ZNF100: variants seen among roughly 807,000 people sequenced by gnomAD.
ZNF100 encodes the protein zinc finger protein 100 (Y1).
ZNF100 carries 12 observed loss-of-function variants against 15.8 expected under a neutral mutation model. The observed-to-expected ratio is 0.76, with a 90% CI of 0.49 to 1.23. The LOEUF is 1.23. ZNF100 is among the 50% of genes most tolerant of loss of function. The pLI is 0.00. For missense variants in ZNF100, 670 were observed against 635.6 expected, an observed-to-expected ratio of 1.05 and a Z score of -0.58; for synonymous variants, 226 against 214.8, an observed-to-expected ratio of 1.05 and a Z score of -0.45.
chr19:21,727,834 C>G lies in ZNF100; in HGVS notation c.478G>C (p.Glu160Gln). The G allele has an allele frequency of 1.2e-6, 2 of 1,613,172 alleles. No homozygotes were observed. Among genetic ancestry groups the G allele is most frequent in the Non-Finnish European group, 1.7e-6 (2 of 1,179,666 alleles). The change falls in exon 5 of 5, where the codon GAA (glutamate) becomes CAA (glutamine). Residue 160 changes from glutamate to glutamine, a missense_variant. By Grantham distance (29) the Glu-to-Gln change is conservative. Transcript: ENST00000358296. ...KSVDECKVHK[E>Q]HDNKLNQCLI... ...CACTGGTTTAATTTGTTATCATGTT[C>G]TTTGTGCACTTTACACTCATCCACA...
At chr19:21,746,444 T>A (rs2036213339) in intron 2 of ZNF100, among the ~76,000 whole-genome samples, 1 of 152,054 alleles carries the variant, frequency 6.6e-6, no homozygotes, top group African/African-American at 2.4e-5. Flanking sequence ...ATAGAGCTAA[T>A]GGAGAACACA....
At chr19:21,734,875 C>T (rs59825581) in intron 4 of ZNF100, among the ~76,000 whole-genome samples, 13,112 of 152,150 alleles carry the variant, frequency 0.086, 730 homozygotes, top group South Asian at 0.18. Flanking sequence ...AGATACCCTA[C>T]AAGCCAGAAG....
chr19:21,734,315 T>C (rs1428187727), intron 4 of ZNF100, among the ~76,000 whole-genome samples: 1 of 151,996 alleles, frequency 6.6e-6, no homozygotes, highest in Non-Finnish European at 1.5e-5. Context: ...CCAGGAACCA[T>C]GAAAAACATT....
rs1288844424 is a variant in ZNF100, at chr19:21,726,951, T to C, written c.1361A>G (p.Glu454Gly). 1 of 1,611,114 alleles carries C rather than the reference T, an allele frequency of 6.2e-7. No individual in the cohort carries two copies. Among genetic ancestry groups the C allele is most frequent in the African/African-American group, 1.3e-5 (1 of 74,822 alleles). The change falls in exon 5 of 5, where the codon GAG becomes GGG. Residue 454 changes from glutamate (E) to glycine (G), a missense_variant. Transcript: ENST00000358296. ...ACATTCGTCACATTTGTAGGGTTTC[T>C]CTCCAGTATGAATCATCTTATGGGT... ...LTTHKMIHTG[E>G]KPYKCDECGK...
chr19:21,751,945 C>T (rs1599399183), intron 2 of ZNF100: 1 of 472,520 alleles, frequency 2.1e-6, no homozygotes, highest in Non-Finnish European at 3.9e-6. Context: ...GTTATAATGT[C>T]ACGGGACCTT....
chr19:21,757,473 G>A (rs1416834002), intron 2 of ZNF100, among the ~76,000 whole-genome samples: 1 of 152,144 alleles, frequency 6.6e-6, no homozygotes, highest in Non-Finnish European at 1.5e-5. Context: ...TACTGGCAAG[G>A]TTGCAGAGAA....
intron 1 of ZNF100, among the ~76,000 whole-genome samples, chr19:21,766,535 T>G (rs1276284922): frequency 6.6e-6 from 1 of 152,088 alleles, no homozygotes; most frequent in African/African-American, 2.4e-5. Flanking sequence ...CCAGGAAATC[T>G]TCACCTGTAT....
At chr19:21,740,150 T>C (rs1330648220) in intron 4 of ZNF100, among the ~76,000 whole-genome samples, 16 of 152,126 alleles carry the variant, frequency 1.1e-4, no homozygotes, top group African/African-American at 3.1e-4. Flanking sequence ...AAGAGCAGAA[T>C]AGAGAGTTCA....
rs947019721 is a variant in ZNF100, at chr19:21,726,217, T to G, written c.*466A>C. ...GTTGCACTTATGTTTTTATTGAGTA[T>G]GAACTCTCTGATGTTGAGTAAGATG... is the stretch of plus-strand genomic sequence containing the variant. On this transcript the variant is annotated 3_prime_UTR_variant, in exon 5 of 5. Transcript: ENST00000358296. 1 of 156,508 alleles carries G rather than the reference T, an allele frequency of 6.4e-6. No homozygotes were observed. Among genetic ancestry groups the G allele is most frequent in the African/African-American group, 2.4e-5 (1 of 41,490 alleles). 9.7% of individuals were successfully genotyped at this position (156,508 alleles called of 1,614,324 possible). A position where few individuals can be genotyped will look rare whatever the true frequency, so the allele number is the denominator to read the frequency against.
At chr19:21,751,871 G>A (rs1158460792) in intron 2 of ZNF100, 29 of 690,458 alleles carry the variant, frequency 4.2e-5, no homozygotes, top group South Asian at 1.6e-4. Flanking sequence ...GTCTTTCAGC[G>A]CTGATCAACT....
At chr19:21,748,848 G>C (rs1441545311) in intron 2 of ZNF100, among the ~76,000 whole-genome samples, 1 of 152,162 alleles carries the variant, frequency 6.6e-6, no homozygotes, top group Non-Finnish European at 1.5e-5. Context: ...GGAATTACAG[G>C]CATGCACCAC....
chr19:21,737,304 T>A (rs533307130), intron 4 of ZNF100, among the ~76,000 whole-genome samples: 35 of 151,988 alleles, frequency 2.3e-4, no homozygotes, highest in Middle Eastern at 6.8e-3. Flanking sequence ...AGTGGGTGGA[T>A]CACCTGAGGT....
rs1213706719 is a variant in ZNF100, at chr19:21,725,449, T to C, written c.*1234A>G. 6.6e-6 allele frequency: 1 copy of C among 152,164 alleles called. No homozygotes were observed. Among genetic ancestry groups the C allele is most frequent in the Non-Finnish European group, 1.5e-5 (1 of 68,004 alleles). The allele number at this position is 152,164 out of a possible 1,614,324, so 9.4% of individuals were successfully genotyped here. A position where few individuals can be genotyped will look rare whatever the true frequency, so the allele number is the denominator to read the frequency against. On this transcript the variant is annotated 3_prime_UTR_variant, in exon 5 of 5. Transcript: ENST00000358296. ...AATGCCTAACGCACACATTGCTTAA[T>C]ATTATAAGTTAACCATAAAAGTCTC...
chr19:21,765,629 C>T, intron 2 of ZNF100, 65 bp downstream of exon 2: 4 of 1,477,332 alleles, frequency 2.7e-6, no homozygotes, highest in Non-Finnish European at 3.8e-6. Context: ...GGCTGACCAG[C>T]AACGTGTCTC....
At chr19:21,763,256 C>G (rs1479327401) in intron 2 of ZNF100, among the ~76,000 whole-genome samples, 1 of 151,594 alleles carries the variant, frequency 6.6e-6, no homozygotes, top group Non-Finnish European at 1.5e-5. Context: ...GGATTGGGAC[C>G]CTTTTCGGTA....
intron 4 of ZNF100, among the ~76,000 whole-genome samples, chr19:21,734,831 G>C (rs1259167293): frequency 6.6e-6 from 1 of 152,142 alleles, no homozygotes; most frequent in East Asian, 1.9e-4. Flanking sequence ...ACCCAGAAAG[G>C]GAAGCCCATC....
In ZNF100 at chr19:21,726,569, G is replaced by T; in HGVS notation, c.*114C>A. The T allele has an allele frequency of 1.1e-6, 1 of 949,430 alleles. No individual in the cohort carries two copies. Among genetic ancestry groups the T allele is most frequent in the South Asian group, 1.9e-5 (1 of 53,426 alleles). The allele number at this position is 949,430 out of a possible 1,614,324, so 58.8% of individuals were successfully genotyped here. A position where few individuals can be genotyped will look rare whatever the true frequency, so the allele number is the denominator to read the frequency against. ...AATTATCTTATGTCTGTTAGGAATT[G>T]AGAATTTATTAAAGGCTTTGCCATA... On this transcript the variant is annotated 3_prime_UTR_variant, in exon 5 of 5. Transcript: ENST00000358296.
intron 2 of ZNF100, among the ~76,000 whole-genome samples, chr19:21,765,079 AACAAATTTTTG>A (rs1395479805): frequency 6.6e-6 from 1 of 152,248 alleles, no homozygotes; most frequent in African/African-American, 2.4e-5. Flanking sequence ...GAGAATTTTT[AACAAATTTTTG>A]ACAAATGAAA....
chr19:21,744,827 G>GA (rs1331703391), intron 3 of ZNF100, 114 bp downstream of exon 3: 18 of 1,509,178 alleles, frequency 1.2e-5, no homozygotes, highest in Non-Finnish European at 1.4e-5. Context: ...AGATTTTCTT[G>GA]AAAAAACGGA....
Sources: gnomAD v4.1 joint callset for allele counts (sites outside exome capture counted in the v4.1 genomes callset) on GRCh38, gnomAD v4.1.1 for gene constraint, MANE v1.5 for transcripts, NCBI Gene and HGNC (gene_info 2026-07-23, HGNC 2026-07-21) for gene names.